FHIT: variants seen among roughly 807,000 people sequenced by gnomAD.
FHIT encodes fragile histidine triad diadenosine triphosphatase, also known as bis(5'-adenosyl)-triphosphatase.
Under a neutral mutation model 17.9 loss-of-function variants are expected in FHIT, and 19 were observed. The observed-to-expected ratio is 1.06, with a 90% CI of 0.74 to 1.56. The LOEUF is 1.56. FHIT is among the 40% of genes most tolerant of loss of function. FHIT has a pLI of 0.00. For missense variants in FHIT, 248 were observed against 189.2 expected (o/e 1.31, Z -1.82); for synonymous variants, 81 against 69.7 (o/e 1.16, Z -0.81).
chr3:60,529,229 T>A (rs149620498), intron 5 of FHIT, among the ~76,000 whole-genome samples: 1 of 152,172 alleles, frequency 6.6e-6, no homozygotes, highest in African/African-American at 2.4e-5. Flanking sequence ...AGATCATTAA[T>A]TTGCAATAAA....
At chr3:59,953,650 C>G (rs1187603099) in intron 7 of FHIT, among the ~76,000 whole-genome samples, 1 of 152,140 alleles carries the variant, frequency 6.6e-6, no homozygotes, top group Non-Finnish European at 1.5e-5. Context: ...GTACTGTGCT[C>G]GGCCTCCCAC....
chr3:61,136,991 G>T (rs1464424268), intron 2 of FHIT, among the ~76,000 whole-genome samples: 1 of 152,134 alleles, frequency 6.6e-6, no homozygotes, highest in African/African-American at 2.4e-5. Context: ...ATGTATTGTT[G>T]TTGTTTCTAA....
chr3:60,035,340 A>G (rs1330819254), intron 5 of FHIT, among the ~76,000 whole-genome samples: 2 of 152,088 alleles, frequency 1.3e-5, no homozygotes, highest in Admixed American at 1.3e-4. Context: ...GGGTTCAAGC[A>G]ATTTTCCTGC....
At chr3:59,864,818 A>G (rs974518261) in intron 8 of FHIT, among the ~76,000 whole-genome samples, 2 of 118,310 alleles carry the variant, frequency 1.7e-5, no homozygotes, top group African/African-American at 4.0e-5. Context: ...CTGAAATTAT[A>G]TGAAAGAGAG....
At chr3:60,546,222 T>C (rs2036358339) in intron 4 of FHIT, among the ~76,000 whole-genome samples, 1 of 152,196 alleles carries the variant, frequency 6.6e-6, no homozygotes, top group Admixed American at 6.5e-5. Context: ...TATTTTATCT[T>C]TTCGTTTGTT....
chr3:59,810,277 G>A (rs1050541120), intron 8 of FHIT, among the ~76,000 whole-genome samples: 1 of 152,128 alleles, frequency 6.6e-6, no homozygotes, highest in African/African-American at 2.4e-5. Context: ...TTGAGCCTTG[G>A]GCTGTAGAGG....
intron 4 of FHIT, among the ~76,000 whole-genome samples, chr3:60,702,759 T>C (rs1288802887): frequency 6.6e-6 from 1 of 152,164 alleles, no homozygotes; most frequent in African/African-American, 2.4e-5. Context: ...TAAGTAACAG[T>C]GCTAATAGCA....
chr3:61,001,851 T>C (rs529094749), intron 3 of FHIT, among the ~76,000 whole-genome samples: 1 of 152,328 alleles, frequency 6.6e-6, no homozygotes, highest in South Asian at 2.1e-4. Context: ...TCTATGGATA[T>C]GCATTGTACT....
At chr3:60,850,407 T>C (rs565743714) in intron 3 of FHIT, among the ~76,000 whole-genome samples, 3 of 150,440 alleles carry the variant, frequency 2.0e-5, no homozygotes, top group Admixed American at 2.0e-4. Flanking sequence ...TCAGCTCTAA[T>C]GTTATCTCTT....
chr3:60,981,407 C>T (rs1710489760), intron 3 of FHIT, among the ~76,000 whole-genome samples: 1 of 150,608 alleles, frequency 6.6e-6, no homozygotes, highest in African/African-American at 2.4e-5. Flanking sequence ...CAGGTTCAAG[C>T]AATTCTCCTG....
At chr3:60,145,656 G>A (rs1700209624) in intron 5 of FHIT, among the ~76,000 whole-genome samples, 1 of 152,156 alleles carries the variant, frequency 6.6e-6, no homozygotes, top group Admixed American at 6.5e-5. Flanking sequence ...GGTCCTAGCT[G>A]ACATACCAGT....
intron 4 of FHIT, among the ~76,000 whole-genome samples, chr3:60,808,126 AG>A (rs1701460771): frequency 6.6e-6 from 1 of 152,218 alleles, no homozygotes; most frequent in Non-Finnish European, 1.5e-5. Flanking sequence ...TAATTTTCTG[AG>A]CCAGAGTTGT....
intron 4 of FHIT, among the ~76,000 whole-genome samples, chr3:60,681,980 T>G (rs1420182460): frequency 6.6e-6 from 1 of 151,996 alleles, no homozygotes; most frequent in African/African-American, 2.4e-5. Context: ...CAGATTTTTT[T>G]TTTTTTTTTG....
At chr3:59,993,624 A>G (rs948003483) in intron 7 of FHIT, among the ~76,000 whole-genome samples, 1 of 151,958 alleles carries the variant, frequency 6.6e-6, no homozygotes, top group Non-Finnish European at 1.5e-5. Flanking sequence ...ATGTGGTTTA[A>G]AAGTTGCTGC....
chr3:60,559,957 T>C (rs1823243), intron 4 of FHIT, among the ~76,000 whole-genome samples: 18 of 152,122 alleles, frequency 1.2e-4, no homozygotes, highest in Admixed American at 5.9e-4. Flanking sequence ...TGCCAGGCTG[T>C]TGGGGAAAGG....
intron 2 of FHIT, among the ~76,000 whole-genome samples, chr3:61,175,734 C>T (rs1479608861): frequency 1.3e-5 from 2 of 152,080 alleles, no homozygotes; most frequent in African/African-American, 4.8e-5. Flanking sequence ...TACTTCCCTC[C>T]AGAGGATGCA....
intron 5 of FHIT, among the ~76,000 whole-genome samples, chr3:60,449,077 G>A (rs1372320169): frequency 6.6e-6 from 1 of 152,124 alleles, no homozygotes; most frequent in Non-Finnish European, 1.5e-5. Flanking sequence ...TTCCAGATCT[G>A]GCCTCTGAAG....
chr3:60,816,134 C>A (rs1701732046), intron 4 of FHIT, among the ~76,000 whole-genome samples: 1 of 151,908 alleles, frequency 6.6e-6, no homozygotes, highest in Non-Finnish European at 1.5e-5. Flanking sequence ...TTCTAGGAGG[C>A]TTTTGGTGGC....
chr3:60,739,781 C>G (rs2042206005), intron 4 of FHIT, among the ~76,000 whole-genome samples: 1 of 152,140 alleles, frequency 6.6e-6, no homozygotes. Context: ...AATTAATGAG[C>G]CATACACCCA....
Sources: gnomAD v4.1 joint callset for allele counts (sites outside exome capture counted in the v4.1 genomes callset) on GRCh38, gnomAD v4.1.1 for gene constraint, MANE v1.5 for transcripts, NCBI Gene and HGNC (gene_info 2026-07-23, HGNC 2026-07-21) for gene names.